The following PPM1L variants were observed in gnomAD, a reference collection of about 807,000 sequenced individuals.
PPM1L encodes protein phosphatase 1L.
A neutral mutation model predicts 31.4 loss-of-function variants in PPM1L; 13 were observed. The observed-to-expected ratio is 0.41, with a 90% CI of 0.27 to 0.66. PPM1L has a LOEUF of 0.66. PPM1L is among the 30% of genes least tolerant of loss of function. The pLI is 0.29. For missense variants in PPM1L, 326 were observed against 453.7 expected, an observed-to-expected ratio of 0.72 and a Z score of 2.56; for synonymous variants, 184 against 175.4, an observed-to-expected ratio of 1.05 and a Z score of -0.39.
At chr3:161,045,312 A>G (rs1045649624) in intron 2 of PPM1L, among the ~76,000 whole-genome samples, 1 of 152,222 alleles carries the variant, frequency 6.6e-6, no homozygotes, top group Admixed American at 6.5e-5. Flanking sequence ...AATCAACAGA[A>G]TATACATTCT....
intron 1 of PPM1L, among the ~76,000 whole-genome samples, chr3:160,875,742 T>A (rs1363934444): frequency 3.3e-5 from 5 of 152,190 alleles, no homozygotes; most frequent in African/African-American, 1.2e-4. Context: ...TTAGGTTAAG[T>A]AAAACTTTCC....
At chr3:161,048,587 C>T (rs984357988) in intron 2 of PPM1L, among the ~76,000 whole-genome samples, 1 of 152,072 alleles carries the variant, frequency 6.6e-6, no homozygotes, top group African/African-American at 2.4e-5. Flanking sequence ...TGGGTATATA[C>T]CCAAAGGATT....
chr3:160,920,570 C>T (rs1714352770), intron 1 of PPM1L, among the ~76,000 whole-genome samples: 1 of 146,964 alleles, frequency 6.8e-6, no homozygotes, highest in Non-Finnish European at 1.5e-5. Context: ...CCAGCAACTG[C>T]ACTTATGCAT....
intron 1 of PPM1L, among the ~76,000 whole-genome samples, chr3:160,859,624 A>T (rs1255657179): frequency 1.3e-5 from 2 of 152,170 alleles, no homozygotes; most frequent in Admixed American, 6.5e-5. Flanking sequence ...TAGGGCATAT[A>T]AAGTTAAAGA....
At chr3:160,804,604 T>A (rs922275176) in intron 1 of PPM1L, among the ~76,000 whole-genome samples, 6 of 152,244 alleles carry the variant, frequency 3.9e-5, no homozygotes, top group Non-Finnish European at 8.8e-5. Context: ...GATGTATTCC[T>A]TACCATTGCT....
intron 1 of PPM1L, among the ~76,000 whole-genome samples, chr3:160,780,312 A>ATTTGTTATATCTGTT (rs1711699263): frequency 6.6e-6 from 1 of 152,226 alleles, no homozygotes; most frequent in Non-Finnish European, 1.5e-5. Flanking sequence ...AGTTTGTTAT[A>ATTTGTTATATCTGTT]ATATAATGCC....
intron 3 of PPM1L, among the ~76,000 whole-genome samples, chr3:161,068,424 T>C (rs1441262766): frequency 6.6e-6 from 1 of 152,226 alleles, no homozygotes; most frequent in African/African-American, 2.4e-5. Flanking sequence ...GGCCAAATGA[T>C]ATATACGGTG....
intron 1 of PPM1L, among the ~76,000 whole-genome samples, chr3:160,911,984 G>T (rs554652425): frequency 5.9e-5 from 9 of 152,306 alleles, no homozygotes; most frequent in African/African-American, 1.7e-4. Flanking sequence ...GGTAGAAAAG[G>T]CTTCTCAATT....
intron 1 of PPM1L, among the ~76,000 whole-genome samples, chr3:160,833,238 A>G (rs1001653405): frequency 2.8e-4 from 42 of 152,332 alleles, no homozygotes; most frequent in African/African-American, 1.0e-3. Context: ...ATAAGTATGC[A>G]TGTATCTTTG....
chr3:160,786,205 A>C (rs1401910277), intron 1 of PPM1L, among the ~76,000 whole-genome samples: 1 of 62,438 alleles, frequency 1.6e-5, no homozygotes, highest in Non-Finnish European at 2.6e-5. Context: ...ATATATATAT[A>C]TATTTTTTTT....
At chr3:160,964,254 C>T (rs1398956460) in intron 2 of PPM1L, among the ~76,000 whole-genome samples, 2 of 151,926 alleles carry the variant, frequency 1.3e-5, no homozygotes, top group Non-Finnish European at 2.9e-5. Flanking sequence ...AAAATCTTAA[C>T]TACTAATAGC....
intron 1 of PPM1L, among the ~76,000 whole-genome samples, chr3:160,837,381 GA>G (rs1713751911): frequency 1.3e-5 from 2 of 152,154 alleles, no homozygotes; most frequent in African/African-American, 4.8e-5. Flanking sequence ...AATTAGAATG[GA>G]AACATGAGTT....
chr3:160,832,589 G>A (rs961754922), intron 1 of PPM1L, among the ~76,000 whole-genome samples: 3 of 152,018 alleles, frequency 2.0e-5, no homozygotes, highest in African/African-American at 7.3e-5. Context: ...AAATTCACAG[G>A]AAGTTGCAGA....
intron 2 of PPM1L, among the ~76,000 whole-genome samples, chr3:160,996,671 T>C (rs1367379021): frequency 1.3e-5 from 2 of 152,064 alleles, no homozygotes; most frequent in African/African-American, 4.8e-5. Context: ...GATAAAAGAC[T>C]ACACATTGGG....
chr3:161,037,386 T>G (rs1284114628), intron 2 of PPM1L, among the ~76,000 whole-genome samples: 1 of 147,192 alleles, frequency 6.8e-6, no homozygotes, highest in Non-Finnish European at 1.5e-5. Context: ...TGAATGCACT[T>G]GGGAATGTAC....
chr3:160,764,719 C>T lies in PPM1L; in HGVS notation c.399+8012C>T, dbSNP rs961903863. ...CTGACCTCAGGCAATCTGCCCCCCTCGGCCTCCCAAAGTGCTGGGATTACA... is the reference window on the plus strand; with the variant it reads ...CTGACCTCAGGCAATCTGCCCCCCTTGGCCTCCCAAAGTGCTGGGATTACA... On this transcript the variant is annotated intron_variant, in intron 1 of 3. Transcript: ENST00000498165. Among the ~76,000 whole-genome samples, 7 of 152,306 alleles carry T rather than the reference C, an allele frequency of 4.6e-5. No individual in the cohort carries two copies. In the South Asian group the frequency reaches 6.2e-4, roughly 14 times the overall value.
intron 2 of PPM1L, among the ~76,000 whole-genome samples, chr3:161,044,360 A>G (rs945449057): frequency 6.7e-6 from 1 of 150,074 alleles, no homozygotes; most frequent in African/African-American, 2.5e-5. Flanking sequence ...TTATTTATTT[A>G]TTTATTTATT....
intron 2 of PPM1L, among the ~76,000 whole-genome samples, chr3:161,050,004 C>G (rs1225729747): frequency 6.6e-6 from 1 of 152,200 alleles, no homozygotes; most frequent in Non-Finnish European, 1.5e-5. Context: ...CCTGGCCATC[C>G]CTTGTCCCTT....
At chr3:160,893,843 C>T (rs1713240653) in intron 1 of PPM1L, among the ~76,000 whole-genome samples, 1 of 152,114 alleles carries the variant, frequency 6.6e-6, no homozygotes. Context: ...TGTGGTGGTA[C>T]AAAAGCAATA....
Sources: allele counts gnomAD v4.1 joint callset (sites outside exome capture counted in the v4.1 genomes callset), GRCh38; gene constraint gnomAD v4.1.1; transcripts MANE v1.5; gene names NCBI Gene and HGNC (gene_info 2026-07-23, HGNC 2026-07-21).